Variants in ADAMTSL1 observed in about 807,000 individuals in gnomAD.
ADAMTSL1 encodes the protein ADAMTS-like protein 1.
A neutral mutation model predicts 201.8 loss-of-function variants in ADAMTSL1; 126 were observed. The ratio of observed to expected loss-of-function variants is 0.62; its 90% CI spans 0.54 to 0.72. ADAMTSL1 has a LOEUF of 0.72. ADAMTSL1 is among the 30% of genes least tolerant of loss of function. The probability of loss-of-function intolerance (pLI) is 0.00; values close to 1 mark genes in which losing one functional copy is unlikely to be tolerated. For synonymous variants in ADAMTSL1, 1,121 were observed against 903.4 expected, an observed-to-expected ratio of 1.24 and a Z score of -4.32; for missense variants, 2,679 against 2,277.8, an observed-to-expected ratio of 1.18 and a Z score of -3.59.
At chr9:18,743,238 G>A (rs1178678806) in intron 15 of ADAMTSL1, among the ~76,000 whole-genome samples, 1 of 152,162 alleles carries the variant, frequency 6.6e-6, no homozygotes, top group African/African-American at 2.4e-5. Flanking sequence ...ATAGAAAAGT[G>A]TGTTAGAGTG....
intron 2 of ADAMTSL1, among the ~76,000 whole-genome samples, chr9:18,524,741 G>A (rs747397415): frequency 4.6e-5 from 7 of 152,026 alleles, no homozygotes; most frequent in South Asian, 2.1e-4. Flanking sequence ...GCTGGATTAC[G>A]TTTATTGATT....
At chr9:18,707,082 A>G (rs1210457307) in intron 14 of ADAMTSL1, 34 bp downstream of exon 14, 16 of 1,589,978 alleles carry the variant, frequency 1.0e-5, no homozygotes, top group Non-Finnish European at 1.3e-5. Flanking sequence ...GATCCCCGCC[A>G]TCTTCTTGCT....
intron 20 of ADAMTSL1, among the ~76,000 whole-genome samples, chr9:18,805,613 G>T (rs1823061671): frequency 6.6e-6 from 1 of 152,154 alleles, no homozygotes; most frequent in Admixed American, 6.5e-5. Flanking sequence ...TTGCCTAAGG[G>T]TACTTAGCTA....
At chr9:18,324,368 A>G (rs1026604995) in intron 2 of ADAMTSL1, among the ~76,000 whole-genome samples, 2 of 152,118 alleles carry the variant, frequency 1.3e-5, no homozygotes, top group African/African-American at 4.8e-5. Flanking sequence ...GTAATAGCAT[A>G]GGAGAAAATC....
At chr9:18,102,489 G>A (rs1010279139) in intron 1 of ADAMTSL1, among the ~76,000 whole-genome samples, 2 of 152,274 alleles carry the variant, frequency 1.3e-5, no homozygotes, top group African/African-American at 2.4e-5. Context: ...GAGGGTCTTG[G>A]TTCAGTTAGT....
chr9:18,275,659 G>T (rs924861418), intron 2 of ADAMTSL1, among the ~76,000 whole-genome samples: 1 of 152,066 alleles, frequency 6.6e-6, no homozygotes, highest in Non-Finnish European at 1.5e-5. Context: ...ATGTTTTTGA[G>T]GGCCATCTGT....
intron 4 of ADAMTSL1, among the ~76,000 whole-genome samples, chr9:18,593,389 C>T (rs1389098935): frequency 1.3e-5 from 2 of 151,690 alleles, no homozygotes; most frequent in Non-Finnish European, 2.9e-5. Context: ...TATTGTTTTC[C>T]TCATTTCAAT....
At chr9:18,817,327 T>C in intron 21 of ADAMTSL1, 90 bp downstream of exon 21, 1 of 1,355,268 alleles carries the variant, frequency 7.4e-7, no homozygotes, top group Non-Finnish European at 1.0e-6. Flanking sequence ...AATTCTACTC[T>C]CAGGGATATA....
chr9:18,256,885 A>C (rs1232940381), intron 2 of ADAMTSL1, among the ~76,000 whole-genome samples: 4 of 152,184 alleles, frequency 2.6e-5, no homozygotes, highest in African/African-American at 9.7e-5. Context: ...TCAAAGTAAA[A>C]GAGTTTTAAA....
chr9:18,784,691 C>G (rs1588105663), intron 19 of ADAMTSL1, among the ~76,000 whole-genome samples: 1 of 152,150 alleles, frequency 6.6e-6, no homozygotes, highest in East Asian at 1.9e-4. Context: ...CACATCCAGG[C>G]CAGTGGAGAA....
chr9:18,136,143 A>G (rs965752499), intron 1 of ADAMTSL1, among the ~76,000 whole-genome samples: 1 of 152,202 alleles, frequency 6.6e-6, no homozygotes, highest in Non-Finnish European at 1.5e-5. Context: ...CCGTAAGTGA[A>G]GTAAGTTGCA....
intron 2 of ADAMTSL1, among the ~76,000 whole-genome samples, chr9:18,512,278 G>A (rs754815075): frequency 5.3e-5 from 8 of 151,958 alleles, no homozygotes; most frequent in Non-Finnish European, 1.0e-4. Context: ...GGAGGCAAAT[G>A]CGCTAAGGCC....
chr9:18,173,526 C>A (rs184292402), intron 2 of ADAMTSL1, among the ~76,000 whole-genome samples: 15 of 152,152 alleles, frequency 9.9e-5, no homozygotes, highest in African/African-American at 3.6e-4. Context: ...TTATCAAGTT[C>A]TAATTTCCTT....
At chr9:18,278,136 A>T (rs1035064717) in intron 2 of ADAMTSL1, among the ~76,000 whole-genome samples, 1 of 152,126 alleles carries the variant, frequency 6.6e-6, no homozygotes, top group Non-Finnish European at 1.5e-5. Flanking sequence ...ACTATTTTAT[A>T]GTTATTTTTA....
At chr9:18,843,551 C>G (rs1825874001) in intron 23 of ADAMTSL1, among the ~76,000 whole-genome samples, 1 of 150,368 alleles carries the variant, frequency 6.7e-6, no homozygotes, top group African/African-American at 2.5e-5. Context: ...TTGTGGTGTT[C>G]TCTGTATTTC....
At chr9:18,602,411 G>T (rs776969359) in intron 4 of ADAMTSL1, among the ~76,000 whole-genome samples, 4 of 152,180 alleles carry the variant, frequency 2.6e-5, no homozygotes, top group Non-Finnish European at 4.4e-5. Flanking sequence ...GATTTTGTGG[G>T]GCTATAAGAA....
At chr9:17,954,959 G>A (rs560670689) in intron 1 of ADAMTSL1, among the ~76,000 whole-genome samples, 1 of 152,234 alleles carries the variant, frequency 6.6e-6, no homozygotes, top group East Asian at 1.9e-4. Flanking sequence ...AGGCCCCTTA[G>A]GAAATGTAAT....
intron 15 of ADAMTSL1, among the ~76,000 whole-genome samples, chr9:18,727,536 G>A (rs948777191): frequency 2.0e-5 from 3 of 152,214 alleles, no homozygotes; most frequent in Non-Finnish European, 4.4e-5. Context: ...TAATGGTTGG[G>A]CCTGACTGGG....
At chr9:18,594,755 A>G (rs995052272) in intron 4 of ADAMTSL1, among the ~76,000 whole-genome samples, 2 of 152,082 alleles carry the variant, frequency 1.3e-5, no homozygotes, top group African/African-American at 4.8e-5. Flanking sequence ...TAAAACAGCT[A>G]TTTTGAGTTA....
Sources: gnomAD v4.1 joint callset for allele counts (sites outside exome capture counted in the v4.1 genomes callset) on GRCh38, gnomAD v4.1.1 for gene constraint, MANE v1.5 for transcripts, NCBI Gene and HGNC (gene_info 2026-07-23, HGNC 2026-07-21) for gene names.